Variants in MYO3B observed in about 807,000 individuals in gnomAD.
The protein encoded by MYO3B is myosin-IIIb.
In MYO3B, 156 loss-of-function variants were observed where a neutral mutation model predicts 174.6. That is an observed-to-expected ratio of 0.89 (90% CI 0.78 to 1.02). The LOEUF is 1.02. Among genes scored for constraint, MYO3B ranks in the 50% least tolerant of loss-of-function variants. MYO3B has a pLI of 0.00. For synonymous variants in MYO3B, 563 were observed against 569.1 expected (o/e 0.99, Z 0.15); for missense variants, 1,632 against 1,639.4 (o/e 1.00, Z 0.08).
intron 32 of MYO3B, among the ~76,000 whole-genome samples, chr2:170,611,147 G>C (rs944033631): frequency 6.6e-6 from 1 of 152,136 alleles, no homozygotes; most frequent in Non-Finnish European, 1.5e-5. Context: ...TTCTGAGATG[G>C]ATGGGATTAG....
At chr2:170,642,980 C>G (rs953263807) in intron 32 of MYO3B, among the ~76,000 whole-genome samples, 1 of 151,196 alleles carries the variant, frequency 6.6e-6, no homozygotes, top group Non-Finnish European at 1.5e-5. Flanking sequence ...TTAATATGGT[C>G]AAGCACAATG....
intron 22 of MYO3B, among the ~76,000 whole-genome samples, chr2:170,442,503 T>C (rs947799562): frequency 6.6e-6 from 1 of 151,646 alleles, no homozygotes; most frequent in African/African-American, 2.4e-5. Flanking sequence ...TGTTCTTTTT[T>C]TTTTTTTTTT....
Position 170,209,387 on chromosome 2 carries a change from C to A in MYO3B, c.322-4992C>A, listed in dbSNP as rs1055723054. Among the ~76,000 whole-genome samples, 5 of 152,094 alleles carry A rather than the reference C, an allele frequency of 3.3e-5. No individual in the cohort carries two copies. In the South Asian group the frequency reaches 1.0e-3, roughly 31 times the overall value. Reference sequence around the variant, plus strand: ...TGACTCTGAAAAACAAAACAAGGGTCAGCAATATTCCAAGCAAAAGTCAAA... The same window carrying A: ...TGACTCTGAAAAACAAAACAAGGGTAAGCAATATTCCAAGCAAAAGTCAAA... On this transcript the variant is annotated intron_variant, in intron 3 of 34. Transcript: ENST00000408978.
chr2:170,541,546 G>T (rs925003689), intron 30 of MYO3B, among the ~76,000 whole-genome samples: 1 of 152,184 alleles, frequency 6.6e-6, no homozygotes, highest in African/African-American at 2.4e-5. Context: ...AAATGGTTGT[G>T]AAGCTTTCTT....
rs117975202 is a variant in MYO3B, at chr2:170,229,434, A to G, written c.604-6557A>G. On this transcript the variant is annotated intron_variant, in intron 6 of 34. Transcript: ENST00000408978. ...TCCTGACCTTTGGTTATAATTTTGG[A>G]TTGCATGAATGATTCTAGTAAGGTG... Among the ~76,000 whole-genome samples the G allele has an allele frequency of 3.3e-3, 502 of 152,322 alleles. 16 individuals are homozygous for G. The East Asian group carries it at 0.086, about 26-fold the overall frequency.
intron 7 of MYO3B, among the ~76,000 whole-genome samples, chr2:170,329,282 C>T (rs2093894028): frequency 6.6e-6 from 1 of 150,670 alleles, no homozygotes; most frequent in East Asian, 1.9e-4. Flanking sequence ...ATATTTATAG[C>T]AGATGCTACA....
At chr2:170,515,801 TC>T (rs1255060313) in intron 29 of MYO3B, among the ~76,000 whole-genome samples, 1 of 152,034 alleles carries the variant, frequency 6.6e-6, no homozygotes, top group Non-Finnish European at 1.5e-5. Flanking sequence ...TCTGGGTACC[TC>T]AGACTCCTTT....
intron 11 of MYO3B, among the ~76,000 whole-genome samples, 186 bp from the exon 12 acceptor site, chr2:170,383,524 T>C (rs2094351207): frequency 1.3e-5 from 2 of 152,106 alleles, no homozygotes; most frequent in African/African-American, 4.8e-5. Flanking sequence ...TCTTACTAGC[T>C]CATGAAGCCA....
At chr2:170,597,923 A>G (rs751060778) in intron 32 of MYO3B, among the ~76,000 whole-genome samples, 4 of 152,208 alleles carry the variant, frequency 2.6e-5, no homozygotes, top group African/African-American at 9.6e-5. Context: ...AAAAGGGTCA[A>G]AGGGTCTAGT....
intron 32 of MYO3B, among the ~76,000 whole-genome samples, chr2:170,563,525 G>A (rs932636422): frequency 1.3e-5 from 2 of 152,054 alleles, no homozygotes; most frequent in Non-Finnish European, 1.5e-5. Flanking sequence ...TCCTGATAGG[G>A]CTCTCTATTG....
chr2:170,463,335 C>T (rs1440868383), intron 23 of MYO3B, 33 bp from the exon 24 acceptor site: 1 of 1,601,714 alleles, frequency 6.2e-7, no homozygotes, highest in African/African-American at 1.3e-5. Context: ...GTGCCTAGAT[C>T]CTCAAACCAC....
rs748488860 is a variant in MYO3B at position 170,391,596 on chromosome 2, C to A, written c.1654C>A (p.Leu552Ile). 1 of 1,585,626 alleles carries A rather than the reference C, an allele frequency of 6.3e-7. No homozygotes were observed. Among genetic ancestry groups the A allele is most frequent in the South Asian group, 1.2e-5 (1 of 85,892 alleles). ...CCAAAAGAAGCTTTCTGATTTCAGA[C>A]TTCCTGAGGAAAAACCTCCTAGGTA... is the stretch of plus-strand genomic sequence containing the variant. ...HHQKKLSDFR[L>I]PEEKPPRYIA... Residue 552 changes from leucine (L) to isoleucine (I), a missense_variant, in exon 15 of 35, where the codon CTT (leucine) becomes ATT (isoleucine). Leu to Ile is a conservative substitution (Grantham distance 5). Transcript: ENST00000408978.
At chr2:170,288,781 C>T (rs943190087) in intron 7 of MYO3B, among the ~76,000 whole-genome samples, 3 of 152,016 alleles carry the variant, frequency 2.0e-5, no homozygotes, top group Admixed American at 2.0e-4. Context: ...AAGTGGGCAT[C>T]CTTGTCTTGT....
At chr2:170,594,992 G>GTGCC (rs1178549924) in intron 32 of MYO3B, among the ~76,000 whole-genome samples, 5 of 152,174 alleles carry the variant, frequency 3.3e-5, no homozygotes, top group Non-Finnish European at 7.4e-5. Flanking sequence ...GGACAGTGTC[G>GTGCC]TGCCCCAGGC....
At chr2:170,472,167 C>T (rs986974851) in intron 25 of MYO3B, among the ~76,000 whole-genome samples, 1 of 152,060 alleles carries the variant, frequency 6.6e-6, no homozygotes, top group Admixed American at 6.6e-5. Context: ...TCCAAAGAGA[C>T]AGCAGAATAG....
chr2:170,369,185 A>G, intron 8 of MYO3B, 37 bp from the exon 9 acceptor site: 1 of 1,600,080 alleles, frequency 6.2e-7, no homozygotes, highest in Non-Finnish European at 8.5e-7. Flanking sequence ...GGTGTCTAAG[A>G]TTGTACTTTG....
intron 32 of MYO3B, among the ~76,000 whole-genome samples, chr2:170,582,612 T>C (rs1367341983): frequency 6.6e-6 from 1 of 152,162 alleles, no homozygotes; most frequent in Non-Finnish European, 1.5e-5. Flanking sequence ...TCCACCTTCC[T>C]TTCTGCCACT....
chr2:170,532,078 A>G (rs1232645914), intron 30 of MYO3B, among the ~76,000 whole-genome samples: 25 of 152,234 alleles, frequency 1.6e-4, no homozygotes, highest in Admixed American at 1.6e-3. Flanking sequence ...GAAAGTTAGC[A>G]TCACCAGTAA....
chr2:170,389,322 A>C (rs2094396931), intron 14 of MYO3B, among the ~76,000 whole-genome samples: 1 of 152,168 alleles, frequency 6.6e-6, no homozygotes, highest in South Asian at 2.1e-4. Context: ...GCAAGTGGGC[A>C]TGTAATGGCA....
Sources: gnomAD v4.1 joint callset for allele counts (sites outside exome capture counted in the v4.1 genomes callset) on GRCh38, gnomAD v4.1.1 for gene constraint, MANE v1.5 for transcripts, NCBI Gene and HGNC (gene_info 2026-07-23, HGNC 2026-07-21) for gene names.